Variants in AGBL1 observed in about 807,000 individuals in gnomAD.
AGBL1 encodes the protein AGBL carboxypeptidase 1.
A neutral mutation model predicts 118.9 loss-of-function variants in AGBL1; 130 were observed. That is an observed-to-expected ratio of 1.09 (90% CI 0.95 to 1.26). The LOEUF is 1.26. Among genes scored for constraint, AGBL1 ranks in the 50% most tolerant of loss-of-function variants. AGBL1 has a pLI of 0.00. For synonymous variants in AGBL1, 555 were observed against 478.9 expected (o/e 1.16, Z -2.08); for missense variants, 1,584 against 1,298.1 (o/e 1.22, Z -3.38).
chr15:86,308,317 T>A (rs928038259), intron 17 of AGBL1, among the ~76,000 whole-genome samples: 3 of 152,062 alleles, frequency 2.0e-5, no homozygotes, highest in Non-Finnish European at 4.4e-5. Flanking sequence ...GGTGGGGCCC[T>A]GATGATACTA....
At position 86,412,975 on chromosome 15, in the gene AGBL1, G is replaced by C. The variant is rs190255612; in HGVS notation, c.2555+15429G>C. ...AAGTAATATTTTAAGAGCAAAATAA[G>C]TGTCCCAGGCCATTCAGAACACAGA... On this transcript the variant is annotated intron_variant, in intron 18 of 22. Transcript: ENST00000614907. Among the ~76,000 whole-genome samples the C allele has an allele frequency of 2.8e-4, 43 of 152,212 alleles. No individual in the cohort carries two copies. In the East Asian group the frequency reaches 7.9e-3, roughly 28 times the overall value.
chr15:86,703,330 C>G (rs951785703), intron 22 of AGBL1, among the ~76,000 whole-genome samples: 4 of 152,134 alleles, frequency 2.6e-5, no homozygotes, highest in Non-Finnish European at 4.4e-5. Flanking sequence ...AGAGCTTGGA[C>G]TCTGGAGCCA....
intron 17 of AGBL1, among the ~76,000 whole-genome samples, chr15:86,372,684 C>A (rs917214788): frequency 1.3e-5 from 2 of 152,252 alleles, no homozygotes; most frequent in South Asian, 4.1e-4. Context: ...TACAATGTCA[C>A]CTGGGACCAA....
At chr15:86,548,441 A>G (rs1334969162) in intron 20 of AGBL1, among the ~76,000 whole-genome samples, 10 of 152,196 alleles carry the variant, frequency 6.6e-5, no homozygotes, top group Non-Finnish European at 4.4e-5. Flanking sequence ...AGTATAAAAT[A>G]GAAGAAAATT....
chr15:86,276,850 G>A (rs539131014), intron 15 of AGBL1, among the ~76,000 whole-genome samples: 1 of 152,320 alleles, frequency 6.6e-6, no homozygotes, highest in South Asian at 2.1e-4. Flanking sequence ...CTTGTTGATG[G>A]GATCTCAGTT....
chr15:86,926,492 TATC>T, intron 23 of AGBL1, among the ~76,000 whole-genome samples: 1 of 152,278 alleles, frequency 6.6e-6, no homozygotes, highest in East Asian at 1.9e-4. Flanking sequence ...TGTTCAATGA[TATC>T]ATGACCTTGA....
rs141105729 is a variant in AGBL1 at position 86,729,660 on chromosome 15, T to G, written c.3158+55224T>G. 2.0e-3 allele frequency among the ~76,000 whole-genome samples: 299 copies of G among 152,384 alleles called. 2 individuals are homozygous for G. The highest frequency in any genetic ancestry group is 6.9e-3 in the African/African-American group (287 of 41,598). On this transcript the variant is annotated intron_variant, in intron 22 of 22. Transcript: ENST00000614907. The stretch of plus-strand genomic sequence containing the variant: ...TCCCTGGTGCATATGTACCGCATTT[T>G]GTCTGTCCAGCCCACTGTTGAGCAT...
At chr15:86,793,529 G>C (rs1409944705) in intron 22 of AGBL1, among the ~76,000 whole-genome samples, 1 of 151,904 alleles carries the variant, frequency 6.6e-6, no homozygotes, top group Non-Finnish European at 1.5e-5. Flanking sequence ...AGAAAACATA[G>C]GCAAAAATCT....
chr15:86,253,340 T>A (rs954216538), intron 7 of AGBL1, among the ~76,000 whole-genome samples: 5 of 152,168 alleles, frequency 3.3e-5, no homozygotes, highest in Admixed American at 2.0e-4. Context: ...AGCCTCCGCC[T>A]CCTGAGTTCA....
intron 18 of AGBL1, among the ~76,000 whole-genome samples, chr15:86,426,068 T>C (rs2081863160): frequency 6.6e-6 from 1 of 152,158 alleles, no homozygotes; most frequent in Non-Finnish European, 1.5e-5. Context: ...TTGTTACTTC[T>C]CTAGTATATA....
At chr15:86,681,690 C>A (rs2085960472) in intron 22 of AGBL1, among the ~76,000 whole-genome samples, 1 of 152,076 alleles carries the variant, frequency 6.6e-6, no homozygotes, top group African/African-American at 2.4e-5. Flanking sequence ...TTCTTTAAGC[C>A]CTTTTATGGT....
intron 22 of AGBL1, among the ~76,000 whole-genome samples, chr15:86,787,079 C>T (rs2078423278): frequency 6.6e-6 from 1 of 152,018 alleles, no homozygotes; most frequent in South Asian, 2.1e-4. Context: ...TTCTTTTGTA[C>T]TAATCAAATA....
At chr15:86,835,474 G>A (rs137981653) in intron 22 of AGBL1, among the ~76,000 whole-genome samples, 25 of 152,244 alleles carry the variant, frequency 1.6e-4, no homozygotes, top group African/African-American at 3.4e-4. Context: ...GCCTTCTAGC[G>A]TGGCATAGAC....
intron 21 of AGBL1, among the ~76,000 whole-genome samples, chr15:86,581,731 CT>C (rs2084175347): frequency 6.6e-6 from 1 of 152,074 alleles, no homozygotes; most frequent in Non-Finnish European, 1.5e-5. Flanking sequence ...CCAAATCTCT[CT>C]GATATAGCTA....
intron 22 of AGBL1, among the ~76,000 whole-genome samples, chr15:86,867,610 G>T (rs2079650499): frequency 6.6e-6 from 1 of 152,186 alleles, no homozygotes; most frequent in Non-Finnish European, 1.5e-5. Context: ...GAGTGAACCT[G>T]TGAGGCGGGG....
chr15:86,378,271 A>G (rs918024260), intron 17 of AGBL1, among the ~76,000 whole-genome samples: 2 of 152,138 alleles, frequency 1.3e-5, no homozygotes, highest in East Asian at 1.9e-4. Context: ...AAATAATATC[A>G]TATTTCTCAA....
intron 15 of AGBL1, among the ~76,000 whole-genome samples, chr15:86,272,134 A>G (rs1156813583): frequency 6.6e-6 from 1 of 152,192 alleles, no homozygotes; most frequent in Non-Finnish European, 1.5e-5. Context: ...TGAATATGTG[A>G]CAATTACACA....
At chr15:86,841,382 A>C (rs2079242441) in intron 22 of AGBL1, among the ~76,000 whole-genome samples, 1 of 152,228 alleles carries the variant, frequency 6.6e-6, no homozygotes, top group South Asian at 2.1e-4. Context: ...ATTTGGAAAA[A>C]TGTATAGACA....
At chr15:86,444,688 G>C (rs1037911447) in intron 18 of AGBL1, among the ~76,000 whole-genome samples, 7 of 152,120 alleles carry the variant, frequency 4.6e-5, no homozygotes, top group African/African-American at 1.7e-4. Context: ...AGCAGAAAGG[G>C]AGAGCGTGCT....
Sources: allele counts gnomAD v4.1 joint callset (sites outside exome capture counted in the v4.1 genomes callset), GRCh38; gene constraint gnomAD v4.1.1; transcripts MANE v1.5; gene names NCBI Gene and HGNC (gene_info 2026-07-23, HGNC 2026-07-21).